SLC3A2: variants seen among roughly 807,000 people sequenced by gnomAD.
SLC3A2 encodes solute carrier family 3 member 2, also known as amino acid transporter heavy chain SLC3A2.
In SLC3A2, 32 loss-of-function variants were observed where a neutral mutation model predicts 48.5. The observed-to-expected ratio is 0.66, with a 90% confidence interval of 0.50 to 0.89. The LOEUF is 0.89. Among genes scored for constraint, SLC3A2 ranks in the 40% least tolerant of loss-of-function variants. The probability of loss-of-function intolerance (pLI) is 0.00; values close to 1 mark genes in which losing one functional copy is unlikely to be tolerated. For missense variants in SLC3A2, 587 were observed against 680.7 expected (o/e 0.86, Z 1.53); for synonymous variants, 277 against 288.8 (o/e 0.96, Z 0.41).
intron 1 of SLC3A2, among the ~76,000 whole-genome samples, chr11:62,873,971 T>A (rs1053245245): frequency 5.3e-4 from 2 of 3,792 alleles, no homozygotes; most frequent in Non-Finnish European, 1.9e-3. Flanking sequence ...CCCAGCTAAT[T>A]TTTTTTTTTT....
rs1396691113 is a variant in SLC3A2, at chr11:62,884,455, A to G, written c.691-2A>G. ...TGTCCTTTATTCTTCTGCCCCCTAT[A>G]GGATGCTCTGGAGTTTTGGCTGCAA... On this transcript the variant is annotated splice_acceptor_variant, in intron 3 of 8. Coordinates refer to ENST00000338663, the MANE Select transcript of SLC3A2 (RefSeq NM_001013251.3). LOFTEE classifies it high-confidence loss of function. The G allele has an allele frequency of 2.2e-5, 36 of 1,614,016 alleles. No individual in the cohort carries two copies. In the Admixed American group the frequency reaches 3.5e-4, roughly 16 times the overall value.
chr11:62,865,746 C>G (rs2085446024), intron 1 of SLC3A2, among the ~76,000 whole-genome samples: 2 of 152,010 alleles, frequency 1.3e-5, no homozygotes, highest in African/African-American at 4.8e-5. Context: ...ATGCCATGCT[C>G]TATTGTATCC....
chr11:62,877,068 T>C (rs1342370682), upstream of SLC3A2, among the ~76,000 whole-genome samples: 1 of 151,296 alleles, frequency 6.6e-6, no homozygotes, highest in African/African-American at 2.4e-5. Flanking sequence ...CTTTTCTTTT[T>C]TTTTTTTTTT....
intron 1 of SLC3A2, among the ~76,000 whole-genome samples, chr11:62,873,969 ATTTTTTTTTTTTTTTTTTTTTTTTT>A (rs573491653): frequency 5.1e-5 from 2 of 38,866 alleles, no homozygotes; most frequent in African/African-American, 1.0e-4. Context: ...TGCCCAGCTA[ATTTTTTTTTTTTTTTTTTTTTTTTT>A]TTTTTTTTTT....
rs376960728 is a variant in SLC3A2, at chr11:62,882,879, C to A, written c.599-29C>A. ...TTTTCCCTTAACTCATAGACTGTCT[C>A]ATGATTGCGTCTTCCTCCGTTGTTT... On this transcript the variant is annotated intron_variant, in intron 2 of 8. Transcript: ENST00000338663. 6 of 1,553,720 alleles carry A rather than the reference C, an allele frequency of 3.9e-6. No individual in the cohort carries two copies. In the Admixed American group the frequency reaches 6.7e-5, roughly 17 times the overall value.
At chr11:62,856,115 C>A (rs1590607999), upstream of SLC3A2, 1 of 584,684 alleles carries the variant, frequency 1.7e-6, no homozygotes, top group South Asian at 2.5e-5. Flanking sequence ...GACCGCATTG[C>A]GGCTTGGTTT....
At chr11:62,885,100 G>C (rs1474106292) in intron 5 of SLC3A2, 77 bp from the exon 6 acceptor site, 1 of 1,511,814 alleles carries the variant, frequency 6.6e-7, no homozygotes, top group Non-Finnish European at 9.0e-7. Flanking sequence ...CAAAGTGTTG[G>C]GATTACAGGC....
At chr11:62,883,086 C>T (rs2085664354) in intron 3 of SLC3A2, 87 bp downstream of exon 3, 1 of 1,265,936 alleles carries the variant, frequency 7.9e-7, no homozygotes, top group African/African-American at 1.5e-5. Flanking sequence ...CCCAGCCTGA[C>T]TCCAGCTGAG....
At position 62,885,205 on chromosome 11, in the gene SLC3A2, G is replaced by A. The variant is rs751067361; in HGVS notation, c.847G>A (p.Asp283Asn). ...CTTGATTGCGGGGACTAACTCCTCC[G>A]ACCTTCAGCAGATCCTGAGCCTACT... The part of the protein sequence containing the change: ...RLLIAGTNSS[D>N]LQQILSLLES... Residue 283 changes from aspartate to asparagine, a missense_variant, in exon 6 of 9, where the codon GAC becomes AAC. Coordinates refer to ENST00000338663, the MANE Select transcript of SLC3A2 (RefSeq NM_001013251.3). 1.5e-5 allele frequency: 24 copies of A among 1,613,944 alleles called. No individual in the cohort carries two copies. Among genetic ancestry groups the A allele is most frequent in the East Asian group, 2.2e-5 (1 of 44,890 alleles).
exon 1 of SLC3A2, chr11:62,856,185 G>T: frequency 9.3e-7 from 1 of 1,074,040 alleles, no homozygotes; most frequent in South Asian, 1.6e-5. Flanking sequence ...ATCCTGGACT[G>T]ACGGTCACGA....
rs763205241 is a variant in SLC3A2, at chr11:62,884,663, A to G, written c.791A>G (p.Asn264Ser). ...TCCTCATTCTTGGCTGAGTGGCAAA[A>G]TATCACCAAGGGCTTCAGTGAAGAC... ...DASSFLAEWQNITKGFSEDRL... is the reference protein window; with the variant it reads ...DASSFLAEWQSITKGFSEDRL... Residue 264 changes from asparagine (N) to serine (S), a missense_variant, in exon 5 of 9, where the codon AAT becomes AGT. This residue lies in a region of SLC3A2 where 409 missense variants were observed against 446.7 expected (regional missense o/e 0.92). Transcript: ENST00000338663. 2 of 1,608,918 alleles carry G rather than the reference A, an allele frequency of 1.2e-6. No homozygotes were observed. Among genetic ancestry groups the G allele is most frequent in the Non-Finnish European group, 1.7e-6 (2 of 1,176,556 alleles).
chr11:62,878,290 TCTTA>T (rs1333311287), upstream of SLC3A2, among the ~76,000 whole-genome samples: 3 of 152,086 alleles, frequency 2.0e-5, no homozygotes, highest in African/African-American at 4.8e-5. Context: ...TCAACCTTGT[TCTTA>T]CTTATTTTTA....
upstream of SLC3A2, chr11:62,880,845 C>CCGGGG: frequency 1.5e-6 from 2 of 1,348,214 alleles, no homozygotes; most frequent in Non-Finnish European, 1.9e-6. Context: ...AAGGGGCGGG[C>CCGGGG]CGGGGCGGGG....
intron 3 of SLC3A2, chr11:62,883,571 CAG>C (rs1468009322): frequency 2.9e-5 from 6 of 204,066 alleles, no homozygotes; most frequent in Non-Finnish European, 5.1e-5. Flanking sequence ...CTGACCTGTT[CAG>C]AATGGGTAGA....
chr11:62,878,756 T>A (rs576264543), upstream of SLC3A2, among the ~76,000 whole-genome samples: 9 of 147,274 alleles, frequency 6.1e-5, no homozygotes, highest in African/African-American at 2.3e-4. Context: ...GTATTACAGG[T>A]GTGAGACACC....
chr11:62,871,701 C>T, intron 1 of SLC3A2: 1 of 578,812 alleles, frequency 1.7e-6, no homozygotes, highest in East Asian at 3.2e-5. Flanking sequence ...AACATGCTTG[C>T]TATCTGGTAG....
In SLC3A2 at chr11:62,885,171, C is replaced by T. The variant is rs1590636716; in HGVS notation, c.819-6C>T. ...CTAACCTTGAACTCCTCCCTCCCCT[C>T]TGCAGGCTCTTGATTGCGGGGACTA... On this transcript the variant is annotated splice_region_variant and splice_polypyrimidine_tract_variant and intron_variant, in intron 5 of 8. Transcript: ENST00000338663. The T allele has an allele frequency of 6.2e-7, 1 of 1,613,860 alleles. No individual in the cohort carries two copies. Among genetic ancestry groups the T allele is most frequent in the Non-Finnish European group, 8.5e-7 (1 of 1,179,924 alleles).
At chr11:62,868,182 A>C (rs1262459889) in intron 1 of SLC3A2, among the ~76,000 whole-genome samples, 2 of 151,970 alleles carry the variant, frequency 1.3e-5, no homozygotes, top group Non-Finnish European at 2.9e-5. Context: ...TTGGCCTCCC[A>C]AAGTGCTAGG....
intron 1 of SLC3A2, among the ~76,000 whole-genome samples, chr11:62,863,160 A>G (rs2085419951): frequency 6.6e-6 from 1 of 152,138 alleles, no homozygotes; most frequent in South Asian, 2.1e-4. Flanking sequence ...ACCTTAAGTG[A>G]TCAGCCTGGC....
Sources: gnomAD v4.1 joint callset for allele counts (sites outside exome capture counted in the v4.1 genomes callset) on GRCh38, gnomAD v4.1.1 for gene constraint, gnomAD v4.1.1 regional missense constraint, MANE v1.5 for transcripts, NCBI Gene and HGNC (gene_info 2026-07-23, HGNC 2026-07-21) for gene names.